The following VDAC1 variants were observed in gnomAD, a reference collection of about 807,000 sequenced individuals.
VDAC1 encodes the protein voltage dependent anion channel 1.
A neutral mutation model predicts 34.7 loss-of-function variants in VDAC1; 10 were observed. The observed-to-expected ratio is 0.29, with a 90% CI of 0.18 to 0.49. The LOEUF (loss-of-function observed/expected upper bound fraction) is 0.49, where lower values mean the gene tolerates loss of function less well. Ranked by LOEUF, VDAC1 falls within the 20% of genes least tolerant of loss-of-function variation. VDAC1 has a pLI of 0.99. For synonymous variants in VDAC1, 130 were observed against 136.0 expected, an observed-to-expected ratio of 0.96 and a Z score of 0.30; for missense variants, 230 against 347.9, an observed-to-expected ratio of 0.66 and a Z score of 2.69.
At chr5:134,072,279 G>T in the VDAC1 span, among the ~76,000 whole-genome samples, 1 of 152,234 alleles carries the variant, frequency 6.6e-6, no homozygotes, top group Admixed American at 6.5e-5. Context: ...CAGAGAGAGA[G>T]GGTACCCCAA....
At chr5:134,048,790 C>T in the VDAC1 span, among the ~76,000 whole-genome samples, 1 of 151,900 alleles carries the variant, frequency 6.6e-6, no homozygotes, top group Non-Finnish European at 1.5e-5. Context: ...TTAAACATAT[C>T]TGTGCTCACA....
chr5:134,084,777 G>A, the VDAC1 span, among the ~76,000 whole-genome samples: 1 of 152,270 alleles, frequency 6.6e-6, no homozygotes, highest in Non-Finnish European at 1.5e-5. Flanking sequence ...GGGTTAGGCT[G>A]ATGCAAATCC....
rs1561584567 is a variant in VDAC1, at chr5:133,980,926, G to A, written c.354C>T (p.Tyr118=). ...AGCCCAGGTTAATGTGCTCCCGCTT[G>A]TACCCTGTCTTGATTTTAGCATTTT... is the stretch of plus-strand genomic sequence containing the variant. ...GKKNAKIKTG[Y]KREHINLGCD... Residue 118 remains tyrosine (Y), a synonymous_variant, in exon 6 of 9, where the codon TAC becomes TAT. Coordinates refer to ENST00000265333, the MANE Select transcript of VDAC1 (RefSeq NM_003374.3). The A allele has an allele frequency of 1.2e-6, 2 of 1,613,734 alleles. No individual in the cohort carries two copies. The highest frequency in any genetic ancestry group is 1.3e-5 in the African/African-American group (1 of 74,802).
At chr5:134,108,559 G>C in the VDAC1 span, among the ~76,000 whole-genome samples, 1 of 152,284 alleles carries the variant, frequency 6.6e-6, no homozygotes, top group South Asian at 2.1e-4. Context: ...GAATAAGAGG[G>C]TGAGCTTTCC....
rs1452440369 is a variant in VDAC1, at chr5:133,972,879, G to A, written c.761-17C>T. 2 of 1,597,692 alleles carry A rather than the reference G, an allele frequency of 1.3e-6. No individual in the cohort carries two copies. Among genetic ancestry groups the A allele is most frequent in the East Asian group, 2.2e-5 (1 of 44,808 alleles). ...GTTTAATACCTGCAGGGAGAAAAAT[G>A]AGGGAGAGGAAAGGAGGAGGAATGG... On this transcript the variant is annotated splice_polypyrimidine_tract_variant and intron_variant, in intron 8 of 8. Transcript: ENST00000265333.
At chr5:134,068,408 G>C in the VDAC1 span, among the ~76,000 whole-genome samples, 1 of 145,190 alleles carries the variant, frequency 6.9e-6, no homozygotes, top group Non-Finnish European at 1.5e-5. Context: ...ATGTTTCTCA[G>C]TGCTTTTTTT....
At chr5:134,067,624 A>G in the VDAC1 span, among the ~76,000 whole-genome samples, 217 of 96,872 alleles carry the variant, frequency 2.2e-3, 1 homozygote, top group Non-Finnish European at 3.6e-3. Flanking sequence ...AAAAAAGAAG[A>G]AGGAGGAGGA....
chr5:133,981,059 TG>T (rs1752678446), intron 5 of VDAC1, 103 bp from the exon 6 acceptor site: 1 of 994,956 alleles, frequency 1.0e-6, no homozygotes. Context: ...GGGAGTGGGG[TG>T]GGGGTGAAGT....
chr5:134,049,437 T>C, the VDAC1 span, among the ~76,000 whole-genome samples: 1 of 152,124 alleles, frequency 6.6e-6, no homozygotes, highest in Non-Finnish European at 1.5e-5. Flanking sequence ...ACTTTCTGGT[T>C]TTATTTTTTA....
the VDAC1 span, among the ~76,000 whole-genome samples, chr5:134,012,517 C>T: frequency 2.0e-5 from 3 of 152,148 alleles, no homozygotes; most frequent in Non-Finnish European, 2.9e-5. Flanking sequence ...ATGTAATTAT[C>T]ATTAGGGCAG....
rs569665165 is a variant in VDAC1 at position 134,000,720 on chromosome 5, G to A, written c.-7+4175C>T. 8.7e-4 allele frequency among the ~76,000 whole-genome samples: 132 copies of A among 151,874 alleles called. No individual in the cohort carries two copies. In the Middle Eastern group the frequency reaches 0.01, roughly 12 times the overall value. On this transcript the variant is annotated intron_variant, in intron 1 of 8. Coordinates refer to ENST00000265333, the MANE Select transcript of VDAC1 (RefSeq NM_003374.3). Reference sequence around the variant, plus strand: ...TATGGAGAAAGAGAGCCTGGATGGCGTCACTGTGAGGACTGAATTAGCTCG... The same window carrying A: ...TATGGAGAAAGAGAGCCTGGATGGCATCACTGTGAGGACTGAATTAGCTCG...
At chr5:134,083,204 T>G in the VDAC1 span, among the ~76,000 whole-genome samples, 12 of 151,372 alleles carry the variant, frequency 7.9e-5, no homozygotes, top group African/African-American at 2.9e-4. Context: ...TTTTTTTTTT[T>G]TTGGGATGGG....
chr5:134,080,642 T>G, the VDAC1 span, among the ~76,000 whole-genome samples: 386 of 152,300 alleles, frequency 2.5e-3, 1 homozygote, highest in Non-Finnish European at 4.1e-3. Context: ...TGAGTTGACA[T>G]TTATTGTGCT....
chr5:133,997,707 CAAAAAAAAAA>C (rs67591375), intron 1 of VDAC1, among the ~76,000 whole-genome samples: 6 of 58,372 alleles, frequency 1.0e-4, no homozygotes, highest in African/African-American at 3.7e-4. Context: ...GACTGTCTCA[CAAAAAAAAAA>C]AAAAAAAAAA....
At chr5:133,989,595 A>G (rs964154548) in intron 5 of VDAC1, among the ~76,000 whole-genome samples, 1 of 151,830 alleles carries the variant, frequency 6.6e-6, no homozygotes, top group African/African-American at 2.4e-5. Context: ...CCTGACCTCA[A>G]GCAATCCACC....
the VDAC1 span, among the ~76,000 whole-genome samples, chr5:134,051,219 T>G: frequency 6.6e-6 from 1 of 152,182 alleles, no homozygotes; most frequent in East Asian, 1.9e-4. Flanking sequence ...GGCCAGGCCC[T>G]AACTCCAACT....
At chr5:134,105,276 G>T in the VDAC1 span, among the ~76,000 whole-genome samples, 1 of 152,198 alleles carries the variant, frequency 6.6e-6, no homozygotes, top group Non-Finnish European at 1.5e-5. Flanking sequence ...ATAACTTGGG[G>T]TTCCTGCTGC....
chr5:134,016,670 A>G, the VDAC1 span, among the ~76,000 whole-genome samples: 6 of 152,218 alleles, frequency 3.9e-5, no homozygotes, highest in Non-Finnish European at 5.9e-5. Flanking sequence ...AAATGTGGAC[A>G]AATGCAAGGA....
At chr5:134,039,550 C>T in the VDAC1 span, among the ~76,000 whole-genome samples, 19 of 152,076 alleles carry the variant, frequency 1.2e-4, no homozygotes, top group East Asian at 3.9e-4. Flanking sequence ...AGGATGGTCT[C>T]GATCTGCTGA....
Sources: gnomAD v4.1 joint callset for allele counts (sites outside exome capture counted in the v4.1 genomes callset) on GRCh38, gnomAD v4.1.1 for gene constraint, MANE v1.5 for transcripts, NCBI Gene and HGNC (gene_info 2026-07-23, HGNC 2026-07-21) for gene names.